NUDT3: variants seen among roughly 807,000 people sequenced by gnomAD.
NUDT3 encodes the protein diphosphoinositol polyphosphate phosphohydrolase 1.
A neutral mutation model predicts 23.6 loss-of-function variants in NUDT3; 9 were observed. That is an observed-to-expected ratio of 0.38 (90% CI 0.23 to 0.66). The LOEUF is 0.66. NUDT3 is among the 30% of genes least tolerant of loss of function. The pLI is 0.52. For missense variants in NUDT3, 172 were observed against 218.5 expected, an observed-to-expected ratio of 0.79 and a Z score of 1.34; for synonymous variants, 86 against 82.6, an observed-to-expected ratio of 1.04 and a Z score of -0.22.
At chr6:34,314,390 TAAAAAA>T (rs5875502) in intron 2 of NUDT3, among the ~76,000 whole-genome samples, 5 of 123,958 alleles carry the variant, frequency 4.0e-5, no homozygotes, top group African/African-American at 1.5e-4. Flanking sequence ...CTGTCTCTAC[TAAAAAA>T]AAAAAAAAAA....
chr6:34,314,949 G>A (rs1763836255), intron 2 of NUDT3, among the ~76,000 whole-genome samples: 1 of 152,174 alleles, frequency 6.6e-6, no homozygotes, highest in African/African-American at 2.4e-5. Flanking sequence ...ACCAGGATTA[G>A]AACCTAGGTG....
At position 34,288,481 on chromosome 6, in the gene NUDT3, G is replaced by C. The variant is rs1317643243; in HGVS notation, c.*272C>G. ...GGGGAAGGCTGTTGGCCTCTCTTCA[G>C]AGGACTGCAGGGGTGGGAAGAGGGA... On this transcript the variant is annotated 3_prime_UTR_variant, in exon 5 of 5. Coordinates refer to ENST00000607016, the MANE Select transcript of NUDT3 (RefSeq NM_006703.4). 3.0e-6 allele frequency: 1 copy of C among 338,068 alleles called. No individual in the cohort carries two copies. Among genetic ancestry groups the C allele is most frequent in the Non-Finnish European group, 5.3e-6 (1 of 188,098 alleles). The allele number at this position is 338,068 out of a possible 1,614,324, so 20.9% of individuals were successfully genotyped here. A position where few individuals can be genotyped will look rare whatever the true frequency, so the allele number is the denominator to read the frequency against.
chr6:34,335,024 TA>T (rs1263826449), intron 2 of NUDT3, among the ~76,000 whole-genome samples: 3 of 147,968 alleles, frequency 2.0e-5, no homozygotes, highest in African/African-American at 7.5e-5. Context: ...CTACACAGAG[TA>T]TAAAGTCTAG....
At chr6:34,295,112 G>A (rs1248930749) in intron 3 of NUDT3, among the ~76,000 whole-genome samples, 1 of 151,930 alleles carries the variant, frequency 6.6e-6, no homozygotes, top group Non-Finnish European at 1.5e-5. Context: ...GTAGGAATGG[G>A]GTAAAATAAT....
chr6:34,313,422 T>A (rs1342755956), intron 2 of NUDT3, among the ~76,000 whole-genome samples: 1 of 152,030 alleles, frequency 6.6e-6, no homozygotes, highest in African/African-American at 2.4e-5. Context: ...ATACTATAAT[T>A]CTGGATACAT....
intron 1 of NUDT3, among the ~76,000 whole-genome samples, chr6:34,348,559 T>C (rs796195230): frequency 9.2e-5 from 14 of 151,752 alleles, no homozygotes; most frequent in Non-Finnish European, 1.8e-4. Flanking sequence ...GGGTGGATCA[T>C]GAGGTCAGGA....
chr6:34,336,644 C>A (rs948891770), intron 2 of NUDT3, among the ~76,000 whole-genome samples: 2 of 151,082 alleles, frequency 1.3e-5, no homozygotes, highest in Non-Finnish European at 3.0e-5. Context: ...TTTGTCCAGA[C>A]CAATGTCCTA....
intron 1 of NUDT3, among the ~76,000 whole-genome samples, chr6:34,345,736 G>A (rs1328517531): frequency 6.6e-6 from 1 of 151,272 alleles, no homozygotes; most frequent in Non-Finnish European, 1.5e-5. Context: ...CCTCAATGGA[G>A]TAACCTTCCA....
At chr6:34,374,375 C>G (rs1195891063) in intron 1 of NUDT3, among the ~76,000 whole-genome samples, 1 of 152,070 alleles carries the variant, frequency 6.6e-6, no homozygotes, top group African/African-American at 2.4e-5. Flanking sequence ...TGTAAAGATT[C>G]TATAACTTCA....
intron 2 of NUDT3, among the ~76,000 whole-genome samples, chr6:34,318,131 A>G (rs1020384571): frequency 6.6e-6 from 1 of 152,192 alleles, no homozygotes; most frequent in African/African-American, 2.4e-5. Context: ...AAGACAATAT[A>G]GAACGGAATT....
rs754874762 is a variant in NUDT3, at chr6:34,388,810, G to A, written c.99+3454C>T. 9.2e-5 allele frequency among the ~76,000 whole-genome samples: 14 copies of A among 152,082 alleles called. No individual in the cohort carries two copies. In the East Asian group the frequency reaches 1.5e-3, roughly 17 times the overall value. ...TGAACTGAACAAATCTAAAATGGAC[G>A]TATTTCACTCATTTTATTTTTCTTC... On this transcript the variant is annotated intron_variant, in intron 1 of 4. Coordinates refer to ENST00000607016, the MANE Select transcript of NUDT3 (RefSeq NM_006703.4).
chr6:34,368,269 A>G lies in NUDT3; in HGVS notation c.99+23995T>C, dbSNP rs145163229. Among the ~76,000 whole-genome samples, 107 of 152,316 alleles carry G rather than the reference A, an allele frequency of 7.0e-4. 1 individual carries two copies. In the East Asian group the frequency reaches 0.011, roughly 16 times the overall value. On this transcript the variant is annotated intron_variant, in intron 1 of 4. Coordinates refer to ENST00000607016, the MANE Select transcript of NUDT3 (RefSeq NM_006703.4). ...GGTGTTTCTTTCTTGGGATGTTTTCATATTAGGACTACTTCAAGCTGCTTT... is the reference window on the plus strand; with the variant it reads ...GGTGTTTCTTTCTTGGGATGTTTTCGTATTAGGACTACTTCAAGCTGCTTT...
chr6:34,352,368 C>T (rs564103897), intron 1 of NUDT3, among the ~76,000 whole-genome samples: 6 of 152,262 alleles, frequency 3.9e-5, no homozygotes, highest in African/African-American at 1.4e-4. Flanking sequence ...CAGGGTTTCA[C>T]CGCGTTCCAC....
intron 2 of NUDT3, among the ~76,000 whole-genome samples, chr6:34,311,613 C>G (rs927480681): frequency 2.0e-5 from 3 of 152,080 alleles, no homozygotes; most frequent in East Asian, 1.9e-4. Context: ...AAAGCCCAGA[C>G]AGTCAACTCG....
chr6:34,302,891 C>T (rs6930978), intron 2 of NUDT3, among the ~76,000 whole-genome samples: 49,320 of 152,076 alleles, frequency 0.32, 9,547 homozygotes, highest in African/African-American at 0.5. Context: ...AATAGAGCCA[C>T]AGATATTACT....
At chr6:34,299,232 T>C (rs1281076447) in intron 2 of NUDT3, among the ~76,000 whole-genome samples, 1 of 152,218 alleles carries the variant, frequency 6.6e-6, no homozygotes, top group Non-Finnish European at 1.5e-5. Context: ...ATATTAAATT[T>C]GGTCCCATCA....
intron 2 of NUDT3, among the ~76,000 whole-genome samples, chr6:34,318,059 A>C (rs1420032653): frequency 6.6e-6 from 1 of 152,160 alleles, no homozygotes; most frequent in Non-Finnish European, 1.5e-5. Context: ...CAAAAACCTA[A>C]CTGAAGCTCT....
chr6:34,392,119 T>C, intron 1 of NUDT3, 145 bp downstream of exon 1: 1 of 605,888 alleles, frequency 1.7e-6, no homozygotes, highest in Non-Finnish European at 2.8e-6. Flanking sequence ...CCCCCTTTTT[T>C]CGCCTCAGGA....
chr6:34,325,105 G>A (rs1416040711), intron 2 of NUDT3, among the ~76,000 whole-genome samples: 1 of 152,120 alleles, frequency 6.6e-6, no homozygotes, highest in Non-Finnish European at 1.5e-5. Context: ...TTTACTTAAG[G>A]GCCTGAAAGG....
Sources: allele counts gnomAD v4.1 joint callset (sites outside exome capture counted in the v4.1 genomes callset), GRCh38; gene constraint gnomAD v4.1.1; transcripts MANE v1.5; gene names NCBI Gene and HGNC (gene_info 2026-07-23, HGNC 2026-07-21).